The following RAPGEF1 variants were observed in gnomAD, a reference collection of about 807,000 sequenced individuals.
The protein encoded by RAPGEF1 is Rap guanine nucleotide exchange factor 1, also known as CRK SH3-binding GNRP.
In RAPGEF1, 33 loss-of-function variants were observed where a neutral mutation model predicts 143.3. The ratio of observed to expected loss-of-function variants is 0.23; its 90% CI spans 0.17 to 0.31. The LOEUF is 0.31. RAPGEF1 is among the 10% of genes least tolerant of loss of function. RAPGEF1 has a pLI of 1.00. For missense variants in RAPGEF1, 1,199 were observed against 1,645.4 expected, an observed-to-expected ratio of 0.73 and a Z score of 4.69; for synonymous variants, 629 against 676.5, an observed-to-expected ratio of 0.93 and a Z score of 1.09.
chr9:131,674,027 A>G (rs772913483), intron 1 of RAPGEF1, among the ~76,000 whole-genome samples: 3 of 152,214 alleles, frequency 2.0e-5, no homozygotes, highest in Non-Finnish European at 4.4e-5. Flanking sequence ...ACTCTGTAAA[A>G]AGCAGAATGA....
intron 1 of RAPGEF1, chr9:131,737,406 T>C: frequency 6.2e-7 from 1 of 1,613,806 alleles, no homozygotes; most frequent in South Asian, 1.1e-5. Flanking sequence ...CTCTCTCACC[T>C]GTGTCCATGG....
intron 1 of RAPGEF1, among the ~76,000 whole-genome samples, chr9:131,654,605 G>T (rs112403336): frequency 1.3e-5 from 2 of 152,158 alleles, no homozygotes; most frequent in African/African-American, 4.8e-5. Flanking sequence ...AGGAGGCTGA[G>T]GTGGGAGGAC....
chr9:131,620,408 C>T lies in RAPGEF1; in HGVS notation c.1906-1202G>A, dbSNP rs990744751. Among the ~76,000 whole-genome samples the T allele has an allele frequency of 3.9e-5, 6 of 152,098 alleles. No individual in the cohort carries two copies. In the East Asian group the frequency reaches 5.8e-4, roughly 15 times the overall value. On this transcript the variant is annotated intron_variant, in intron 11 of 26. Coordinates refer to ENST00000683357, the MANE Select transcript of RAPGEF1 (RefSeq NM_001377935.1). ...ATGTGCCACCACCACTCCTGGCTCT[C>T]GGCAACAGTTCTAACCAAACATTTT...
chr9:131,625,334 T>C (rs1962634499), intron 10 of RAPGEF1, among the ~76,000 whole-genome samples: 1 of 152,146 alleles, frequency 6.6e-6, no homozygotes, highest in South Asian at 2.1e-4. Context: ...TATGACAGAT[T>C]TACCGTTGGA....
chr9:131,642,543 G>A (rs191715012), intron 4 of RAPGEF1, among the ~76,000 whole-genome samples: 2 of 152,292 alleles, frequency 1.3e-5, no homozygotes, highest in East Asian at 1.9e-4. Context: ...TCCTGAACAC[G>A]TGCCTGCTTG....
chr9:131,615,911 G>T (rs902184284), intron 12 of RAPGEF1, among the ~76,000 whole-genome samples: 1 of 152,146 alleles, frequency 6.6e-6, no homozygotes, highest in African/African-American at 2.4e-5. Context: ...GTGCTTTCAT[G>T]TGGTGTGAAC....
At chr9:131,683,293 G>A (rs1032105933) in intron 1 of RAPGEF1, among the ~76,000 whole-genome samples, 6 of 152,324 alleles carry the variant, frequency 3.9e-5, no homozygotes, top group Non-Finnish European at 7.3e-5. Flanking sequence ...AACAATGGCC[G>A]CTAAGTAAAG....
chr9:131,586,841 A>C (rs866961849), intron 22 of RAPGEF1, among the ~76,000 whole-genome samples: 35 of 25,546 alleles, frequency 1.4e-3, no homozygotes, highest in African/African-American at 2.7e-3. Flanking sequence ...CTCCGTCTCA[A>C]ACACACACAC....
intron 12 of RAPGEF1, among the ~76,000 whole-genome samples, chr9:131,613,976 T>C (rs1281593073): frequency 3.3e-5 from 5 of 152,162 alleles, no homozygotes; most frequent in Non-Finnish European, 5.9e-5. Context: ...AGCACCTACG[T>C]ACTACGTGAG....
intron 15 of RAPGEF1, among the ~76,000 whole-genome samples, chr9:131,599,803 C>G (rs1955967507): frequency 6.6e-6 from 1 of 152,082 alleles, no homozygotes; most frequent in African/African-American, 2.4e-5. Flanking sequence ...ATTTTAACCC[C>G]AGGTATCTGA....
At chr9:131,669,000 T>G (rs1188917662) in intron 1 of RAPGEF1, among the ~76,000 whole-genome samples, 1 of 152,204 alleles carries the variant, frequency 6.6e-6, no homozygotes, top group Non-Finnish European at 1.5e-5. Flanking sequence ...CCAACAGTGC[T>G]CTGCCGGGGC....
chr9:131,711,389 ACT>A (rs1216988846), intron 1 of RAPGEF1, among the ~76,000 whole-genome samples: 1 of 115,952 alleles, frequency 8.6e-6, no homozygotes, highest in African/African-American at 3.3e-5. Flanking sequence ...ACAGAGTCTC[ACT>A]CTGTCACCCA....
chr9:131,719,553 CTTTTTTTTTTTTT>C (rs34413859), intron 1 of RAPGEF1, among the ~76,000 whole-genome samples: 5 of 72,398 alleles, frequency 6.9e-5, no homozygotes, highest in Non-Finnish European at 1.2e-4. Flanking sequence ...CCCTTCAGGG[CTTTTTTTTTTTTT>C]TTTTTTTTTT....
At chr9:131,615,117 G>C (rs1369726986) in intron 12 of RAPGEF1, among the ~76,000 whole-genome samples, 2 of 152,194 alleles carry the variant, frequency 1.3e-5, no homozygotes, top group African/African-American at 4.8e-5. Context: ...CTGTTGCCCA[G>C]GCTGGAGCGC....
chr9:131,683,094 T>C (rs995494010), intron 1 of RAPGEF1, among the ~76,000 whole-genome samples: 2 of 152,166 alleles, frequency 1.3e-5, no homozygotes, highest in Non-Finnish European at 2.9e-5. Flanking sequence ...AAAGTCAACA[T>C]ACAATGCATG....
intron 1 of RAPGEF1, among the ~76,000 whole-genome samples, chr9:131,660,421 C>G (rs769286080): frequency 6.9e-6 from 1 of 144,676 alleles, no homozygotes; most frequent in Non-Finnish European, 1.5e-5. Flanking sequence ...ATTCCACACA[C>G]AGCAGAAATA....
chr9:131,648,386 T>C (rs1261913355), intron 3 of RAPGEF1, among the ~76,000 whole-genome samples: 1 of 151,932 alleles, frequency 6.6e-6, no homozygotes, highest in Non-Finnish European at 1.5e-5. Context: ...GTGAGACTCT[T>C]ATCTCAAAAC....
intron 1 of RAPGEF1, among the ~76,000 whole-genome samples, chr9:131,663,800 T>C (rs1198612456): frequency 1.3e-5 from 2 of 152,248 alleles, no homozygotes; most frequent in African/African-American, 4.8e-5. Flanking sequence ...AATGATATAG[T>C]TTCTCCTTTG....
At chr9:131,646,132 G>T (rs943558430) in intron 3 of RAPGEF1, among the ~76,000 whole-genome samples, 2 of 152,164 alleles carry the variant, frequency 1.3e-5, no homozygotes, top group Non-Finnish European at 2.9e-5. Context: ...CTGTGCTATG[G>T]ATTTTATATA....
Sources: allele counts gnomAD v4.1 joint callset (sites outside exome capture counted in the v4.1 genomes callset), GRCh38; gene constraint gnomAD v4.1.1; transcripts MANE v1.5; gene names NCBI Gene and HGNC (gene_info 2026-07-23, HGNC 2026-07-21).